Variants in FER1L6 observed in about 807,000 individuals in gnomAD.
The protein encoded by FER1L6 is fer-1 like family member 6.
FER1L6 carries 177 observed loss-of-function variants against 219.2 expected under a neutral mutation model. That is an observed-to-expected ratio of 0.81 (90% CI 0.71 to 0.91). The LOEUF (loss-of-function observed/expected upper bound fraction) is 0.91. FER1L6 is among the 40% of genes least tolerant of loss of function. FER1L6 has a pLI of 0.00. For missense variants in FER1L6, 2,153 were observed against 2,259.9 expected, an observed-to-expected ratio of 0.95 and a Z score of 0.96; for synonymous variants, 768 against 824.3, an observed-to-expected ratio of 0.93 and a Z score of 1.17.
chr8:123,952,584 T>C (rs1337160259), intron 1 of FER1L6, among the ~76,000 whole-genome samples: 2 of 152,120 alleles, frequency 1.3e-5, no homozygotes, highest in Non-Finnish European at 2.9e-5. Context: ...AGGGTTCTCA[T>C]GCTGGAATTC....
chr8:123,924,893 G>A (rs951893193), intron 1 of FER1L6: 5 of 152,162 alleles, frequency 3.3e-5, no homozygotes, highest in African/African-American at 1.2e-4. Flanking sequence ...AAACCAAGAG[G>A]ATGGTGTAAT....
intron 28 of FER1L6, 110 bp downstream of exon 28, chr8:124,067,916 C>T (rs942054625): frequency 2.3e-5 from 19 of 821,616 alleles, no homozygotes; most frequent in Non-Finnish European, 3.4e-5. Context: ...CCTCCTTTCC[C>T]GAGTTTAGAA....
At chr8:123,990,216 C>CGA (rs1563728665) in intron 12 of FER1L6, among the ~76,000 whole-genome samples, 2 of 152,014 alleles carry the variant, frequency 1.3e-5, no homozygotes, top group African/African-American at 4.8e-5. Context: ...TGCAGTAAGC[C>CGA]GAGATAGCAC....
rs141174339 is a variant in FER1L6, at chr8:123,986,309, A to G, written c.1519+133A>G. 9.7e-4 allele frequency: 575 copies of G among 592,812 alleles called. 2 individuals are homozygous for G. Among genetic ancestry groups the G allele is most frequent in the African/African-American group, 8.5e-3 (451 of 52,898 alleles). The allele number at this position is 592,812 out of a possible 1,614,324, so 36.7% of individuals were successfully genotyped here. A position where few individuals can be genotyped will look rare whatever the true frequency, so the allele number is the denominator to read the frequency against. ...TTTGCATCTCAGAATGAGATGAACA[A>G]TTCCTTGTCTACTCTATTGTCAATA... is the stretch of plus-strand genomic sequence containing the variant. On this transcript the variant is annotated intron_variant, in intron 12 of 40. Transcript: ENST00000522917.
At chr8:124,078,215 G>A (rs1326459184) in intron 32 of FER1L6, among the ~76,000 whole-genome samples, 2 of 152,052 alleles carry the variant, frequency 1.3e-5, no homozygotes, top group African/African-American at 4.8e-5. Context: ...GTGGGTGGGT[G>A]GCCAGATGAA....
chr8:123,999,117 C>G (rs1442257521), intron 12 of FER1L6, among the ~76,000 whole-genome samples: 1 of 152,186 alleles, frequency 6.6e-6, no homozygotes, highest in African/African-American at 2.4e-5. Flanking sequence ...CTCTCCTTTC[C>G]TCAAACAGAA....
chr8:124,055,559 C>A (rs530521807), intron 22 of FER1L6, among the ~76,000 whole-genome samples: 17 of 152,278 alleles, frequency 1.1e-4, no homozygotes, highest in African/African-American at 4.1e-4. Flanking sequence ...ACTTAGAACA[C>A]TCGTTTCCCC....
At chr8:123,957,749 A>G (rs1330628083) in intron 2 of FER1L6, among the ~76,000 whole-genome samples, 2 of 152,162 alleles carry the variant, frequency 1.3e-5, no homozygotes, top group African/African-American at 2.4e-5. Context: ...GCAGTCGACC[A>G]CAGGCATTTC....
chr8:123,949,393 CTT>C (rs1164745424), intron 1 of FER1L6, among the ~76,000 whole-genome samples: 1 of 152,124 alleles, frequency 6.6e-6, no homozygotes, highest in African/African-American at 2.4e-5. Context: ...TAGATCCTCT[CTT>C]AGTAAGTTTA....
chr8:123,951,654 C>T (rs1401743000), intron 1 of FER1L6, among the ~76,000 whole-genome samples: 2 of 152,182 alleles, frequency 1.3e-5, no homozygotes, highest in African/African-American at 4.8e-5. Flanking sequence ...TGTTTTTAAG[C>T]TAGACCTCAT....
chr8:124,105,458 C>T (rs1452456007), intron 39 of FER1L6, among the ~76,000 whole-genome samples: 1 of 152,150 alleles, frequency 6.6e-6, no homozygotes, highest in Non-Finnish European at 1.5e-5. Flanking sequence ...AAACACATCC[C>T]CTTAATGCTG....
chr8:124,108,739 A>T (rs1438763426), intron 39 of FER1L6, among the ~76,000 whole-genome samples: 5 of 152,026 alleles, frequency 3.3e-5, no homozygotes, highest in African/African-American at 1.2e-4. Context: ...TTTGCCAGGC[A>T]TGGTGGTACC....
At chr8:124,060,342 C>A in intron 23 of FER1L6, 52 bp downstream of exon 23, 1 of 1,550,742 alleles carries the variant, frequency 6.4e-7, no homozygotes, top group Non-Finnish European at 8.9e-7. Context: ...AGGGCAGTGG[C>A]CCCACCTGAA....
chr8:123,970,623 T>A (rs143818442), intron 6 of FER1L6, among the ~76,000 whole-genome samples: 248 of 152,248 alleles, frequency 1.6e-3, no homozygotes, highest in African/African-American at 5.7e-3. Context: ...GCCATTGGGA[T>A]TTTCAAAAGT....
At chr8:123,977,706 C>T in intron 10 of FER1L6, 97 bp downstream of exon 10, 1 of 1,078,696 alleles carries the variant, frequency 9.3e-7, no homozygotes, top group Non-Finnish European at 1.3e-6. Context: ...AGTCCCCAGC[C>T]TTTCTGGCAC....
intron 11 of FER1L6, chr8:123,984,127 G>T (rs1816447746): frequency 6.6e-6 from 1 of 152,140 alleles, no homozygotes; most frequent in South Asian, 2.1e-4. Flanking sequence ...TAATTATTTT[G>T]ACTGCCATTT....
intron 15 of FER1L6, among the ~76,000 whole-genome samples, 193 bp from the exon 16 acceptor site, chr8:124,017,435 G>C (rs1393653273): frequency 1.3e-5 from 2 of 152,038 alleles, no homozygotes; most frequent in Non-Finnish European, 2.9e-5. Flanking sequence ...GTTGGGTCTG[G>C]GCATCATTTC....
intron 18 of FER1L6, among the ~76,000 whole-genome samples, chr8:124,030,905 C>T (rs772485426): frequency 9.6e-4 from 146 of 152,298 alleles, no homozygotes; most frequent in Non-Finnish European, 8.2e-4. Context: ...GGCTGTCTTG[C>T]ACCAGGACCC....
chr8:123,858,895 C>T (rs1454285534), intron 1 of FER1L6, among the ~76,000 whole-genome samples: 4 of 152,180 alleles, frequency 2.6e-5, no homozygotes, highest in African/African-American at 9.7e-5. Flanking sequence ...AGGGACCACT[C>T]ATTTGGAAGT....
Sources: allele counts gnomAD v4.1 joint callset (sites outside exome capture counted in the v4.1 genomes callset), GRCh38; gene constraint gnomAD v4.1.1; transcripts MANE v1.5; gene names NCBI Gene and HGNC (gene_info 2026-07-23, HGNC 2026-07-21).